The following PHACTR1 variants were observed in gnomAD, a reference collection of about 807,000 sequenced individuals.
The protein encoded by PHACTR1 is RPEL repeat containing 1.
Under a neutral mutation model 69.2 loss-of-function variants are expected in PHACTR1, and 16 were observed. The observed-to-expected ratio is 0.23, with a 90% CI of 0.16 to 0.35. PHACTR1 has a LOEUF of 0.35. Ranked by LOEUF, PHACTR1 falls within the 10% of genes least tolerant of loss-of-function variation. The pLI is 1.00. For missense variants in PHACTR1, 510 were observed against 734.7 expected, an observed-to-expected ratio of 0.69 and a Z score of 3.54; for synonymous variants, 312 against 284.5, an observed-to-expected ratio of 1.10 and a Z score of -0.97.
At chr6:12,830,549 C>T (rs1460885020) in intron 4 of PHACTR1, among the ~76,000 whole-genome samples, 1 of 151,352 alleles carries the variant, frequency 6.6e-6, no homozygotes, top group Non-Finnish European at 1.5e-5. Flanking sequence ...TAACTGAAGA[C>T]TCATTTCTTC....
intron 4 of PHACTR1, among the ~76,000 whole-genome samples, chr6:13,016,251 T>A (rs1442737296): frequency 6.6e-6 from 1 of 152,232 alleles, no homozygotes; most frequent in African/African-American, 2.4e-5. Context: ...ATTTCCCCGA[T>A]GTCCTGTTTG....
intron 4 of PHACTR1, among the ~76,000 whole-genome samples, chr6:13,044,293 CATT>C (rs761409108): frequency 6.6e-6 from 1 of 152,134 alleles, no homozygotes; most frequent in African/African-American, 2.4e-5. Context: ...TATGAATCAT[CATT>C]GTGACCTGGA....
intron 4 of PHACTR1, among the ~76,000 whole-genome samples, chr6:12,970,178 G>A (rs1794022738): frequency 6.6e-6 from 1 of 152,168 alleles, no homozygotes; most frequent in Admixed American, 6.5e-5. Flanking sequence ...ATTAAATACT[G>A]TGGACTTAAA....
intron 4 of PHACTR1, among the ~76,000 whole-genome samples, chr6:12,883,467 G>T (rs1783306069): frequency 6.6e-6 from 1 of 151,422 alleles, no homozygotes; most frequent in Non-Finnish European, 1.5e-5. Flanking sequence ...TGTCCTCCTT[G>T]GGCTCCCAAA....
At chr6:12,982,399 A>T (rs537032541) in intron 4 of PHACTR1, among the ~76,000 whole-genome samples, 171 of 152,200 alleles carry the variant, frequency 1.1e-3, no homozygotes, top group Non-Finnish European at 1.9e-3. Context: ...TTAACCTATC[A>T]GCCGGGCATG....
intron 5 of PHACTR1, among the ~76,000 whole-genome samples, chr6:13,142,168 T>C (rs1406199160): frequency 1.3e-5 from 2 of 152,090 alleles, no homozygotes; most frequent in African/African-American, 4.8e-5. Flanking sequence ...AAAGAAGAAA[T>C]AGAAAACACA....
chr6:13,188,986 G>A (rs1150603), intron 7 of PHACTR1, among the ~76,000 whole-genome samples: 73,485 of 152,094 alleles, frequency 0.48, 17,982 homozygotes, highest in Admixed American at 0.56. Context: ...ACTGTCTCCT[G>A]CCTCTCTAAG....
intron 3 of PHACTR1, among the ~76,000 whole-genome samples, chr6:12,744,329 A>G (rs1409180399): frequency 6.6e-6 from 1 of 152,264 alleles, no homozygotes; most frequent in Non-Finnish European, 1.5e-5. Context: ...TTATGCAAAC[A>G]AGTATATTGC....
chr6:13,204,032 T>G (rs144668466), intron 7 of PHACTR1, among the ~76,000 whole-genome samples: 3 of 152,198 alleles, frequency 2.0e-5, no homozygotes, highest in African/African-American at 7.2e-5. Context: ...ACAGGAGAAG[T>G]GATCTGGGCC....
At chr6:12,979,808 G>C (rs1426194330) in intron 4 of PHACTR1, among the ~76,000 whole-genome samples, 1 of 151,150 alleles carries the variant, frequency 6.6e-6, no homozygotes, top group East Asian at 1.9e-4. Flanking sequence ...GTAAGCCACT[G>C]TGATTCTTTC....
At chr6:12,749,886 C>T (rs1234521212) in intron 4 of PHACTR1, 96 bp downstream of exon 4, 4 of 1,215,852 alleles carry the variant, frequency 3.3e-6, no homozygotes, top group Non-Finnish European at 3.3e-6. Context: ...CTCCCCGCCG[C>T]CCCCCGCAGT....
intron 5 of PHACTR1, among the ~76,000 whole-genome samples, chr6:13,105,434 G>GCC: frequency 6.6e-6 from 1 of 152,086 alleles, no homozygotes; most frequent in East Asian, 1.9e-4. Context: ...CCTATTAAAT[G>GCC]GAGATACACA....
At chr6:12,735,184 T>C (rs565821679) in intron 3 of PHACTR1, among the ~76,000 whole-genome samples, 1 of 151,858 alleles carries the variant, frequency 6.6e-6, no homozygotes, top group Admixed American at 6.6e-5. Context: ...GAGGCTTTGA[T>C]GCCTTGCTAC....
intron 4 of PHACTR1, among the ~76,000 whole-genome samples, chr6:12,803,933 T>A (rs568978110): frequency 6.6e-6 from 1 of 152,244 alleles, no homozygotes; most frequent in Non-Finnish European, 1.5e-5. Context: ...AAAGAAAATC[T>A]CCAGGGAAAA....
intron 4 of PHACTR1, among the ~76,000 whole-genome samples, chr6:12,851,923 C>T (rs1416332681): frequency 6.6e-6 from 1 of 152,126 alleles, no homozygotes; most frequent in Non-Finnish European, 1.5e-5. Flanking sequence ...CAACCTCCAC[C>T]TCCTGGGTTC....
At chr6:13,210,070 T>C (rs897099325) in intron 8 of PHACTR1, among the ~76,000 whole-genome samples, 1 of 152,210 alleles carries the variant, frequency 6.6e-6, no homozygotes, top group Non-Finnish European at 1.5e-5. Context: ...TGCAGTGGCA[T>C]GATCATGTCT....
chr6:13,167,976 T>G (rs1026250112), intron 6 of PHACTR1, among the ~76,000 whole-genome samples: 8 of 152,254 alleles, frequency 5.3e-5, no homozygotes, highest in Admixed American at 1.3e-4. Flanking sequence ...ACTCGAGCCT[T>G]CTTAAATCCC....
intron 5 of PHACTR1, among the ~76,000 whole-genome samples, chr6:13,153,582 T>G (rs1757762554): frequency 6.6e-6 from 1 of 152,210 alleles, no homozygotes; most frequent in South Asian, 2.1e-4. Flanking sequence ...CTTTGCACCT[T>G]TGCTGGTTTA....
chr6:13,219,189 A>G (rs1470646676), intron 8 of PHACTR1, among the ~76,000 whole-genome samples: 1 of 152,088 alleles, frequency 6.6e-6, no homozygotes, highest in Non-Finnish European at 1.5e-5. Flanking sequence ...AGCTTTCCAA[A>G]TATGTCTCTT....
Sources: gnomAD v4.1 joint callset for allele counts (sites outside exome capture counted in the v4.1 genomes callset) on GRCh38, gnomAD v4.1.1 for gene constraint, MANE v1.5 for transcripts, NCBI Gene and HGNC (gene_info 2026-07-23, HGNC 2026-07-21) for gene names.